Variants in GRID2 observed in about 807,000 individuals in gnomAD.
GRID2 encodes the protein glutamate receptor ionotropic, delta-2.
GRID2 carries 33 observed loss-of-function variants against 114.8 expected under a neutral mutation model. That is an observed-to-expected ratio of 0.29 (90% CI 0.22 to 0.38). The LOEUF (loss-of-function observed/expected upper bound fraction) is 0.38, where lower values mean the gene tolerates loss of function less well. GRID2 is among the 10% of genes least tolerant of loss of function. The probability of loss-of-function intolerance (pLI) is 1.00; values close to 1 mark genes in which losing one functional copy is unlikely to be tolerated. For missense variants in GRID2, 1,184 were observed against 1,257.7 expected, an observed-to-expected ratio of 0.94 and a Z score of 0.89; for synonymous variants, 505 against 449.9, an observed-to-expected ratio of 1.12 and a Z score of -1.55.
intron 8 of GRID2, among the ~76,000 whole-genome samples, chr4:93,344,902 A>C (rs1760052565): frequency 6.6e-6 from 1 of 151,288 alleles, no homozygotes. Flanking sequence ...AGCTTATTTC[A>C]CTTAGCAAAA....
At chr4:92,326,066 G>A (rs1726581412) in intron 1 of GRID2, among the ~76,000 whole-genome samples, 1 of 151,672 alleles carries the variant, frequency 6.6e-6, no homozygotes, top group African/African-American at 2.4e-5. Flanking sequence ...GAAGTTACAG[G>A]GATTTAGGTA....
intron 2 of GRID2, among the ~76,000 whole-genome samples, chr4:92,816,969 A>C (rs945536424): frequency 1.3e-5 from 2 of 152,050 alleles, no homozygotes; most frequent in Non-Finnish European, 2.9e-5. Context: ...CCTTCATGTA[A>C]CTTAGAACTT....
chr4:93,589,383 C>A (rs1737908932), intron 13 of GRID2, among the ~76,000 whole-genome samples: 1 of 151,782 alleles, frequency 6.6e-6, no homozygotes, highest in Admixed American at 6.6e-5. Context: ...GACATGAACT[C>A]ATCATTTTTT....
At chr4:92,747,790 C>T (rs1398104690) in intron 2 of GRID2, among the ~76,000 whole-genome samples, 1 of 152,132 alleles carries the variant, frequency 6.6e-6, no homozygotes, top group Non-Finnish European at 1.5e-5. Context: ...AGCCATACTT[C>T]CAGGTAAGAC....
intron 8 of GRID2, among the ~76,000 whole-genome samples, chr4:93,330,746 T>G (rs1758337969): frequency 6.6e-6 from 1 of 152,082 alleles, no homozygotes; most frequent in South Asian, 2.1e-4. Flanking sequence ...GGAAGGCCAT[T>G]TACTCCATAT....
chr4:93,539,131 G>A (rs1732401003), intron 13 of GRID2, among the ~76,000 whole-genome samples: 1 of 151,696 alleles, frequency 6.6e-6, no homozygotes, highest in South Asian at 2.1e-4. Context: ...TTCTATTTTA[G>A]GCATGAACTG....
chr4:92,759,086 C>G (rs1397222266), intron 2 of GRID2, among the ~76,000 whole-genome samples: 1 of 152,160 alleles, frequency 6.6e-6, no homozygotes. Context: ...ATTGTCTACT[C>G]TAGGGACGGG....
At chr4:93,670,404 TAA>T (rs1368341651) in intron 14 of GRID2, among the ~76,000 whole-genome samples, 1 of 152,146 alleles carries the variant, frequency 6.6e-6, no homozygotes, top group Non-Finnish European at 1.5e-5. Flanking sequence ...AATATACTGA[TAA>T]AGAGAATAGC....
intron 1 of GRID2, among the ~76,000 whole-genome samples, chr4:92,540,849 T>A (rs1349954908): frequency 6.6e-6 from 1 of 152,154 alleles, no homozygotes; most frequent in African/African-American, 2.4e-5. Flanking sequence ...CACACATATG[T>A]TTATTGCGGC....
At chr4:93,209,608 TA>T (rs1454836142) in intron 5 of GRID2, among the ~76,000 whole-genome samples, 2 of 152,170 alleles carry the variant, frequency 1.3e-5, no homozygotes, top group African/African-American at 4.8e-5. Context: ...TTTGGGTATA[TA>T]CCCAGTAATG....
At chr4:93,241,802 T>TAAAAA in intron 8 of GRID2, among the ~76,000 whole-genome samples, 1 of 130,948 alleles carries the variant, frequency 7.6e-6, no homozygotes, top group African/African-American at 2.8e-5. Context: ...AGTAGAAAAG[T>TAAAAA]AAAAAAAAAA....
intron 1 of GRID2, among the ~76,000 whole-genome samples, chr4:92,415,183 T>C (rs1731535747): frequency 6.6e-6 from 1 of 152,092 alleles, no homozygotes; most frequent in African/African-American, 2.4e-5. Flanking sequence ...TTAACAGAAA[T>C]TGTTGATAAT....
intron 2 of GRID2, among the ~76,000 whole-genome samples, chr4:92,770,793 G>A (rs1435485568): frequency 4.6e-5 from 7 of 152,116 alleles, no homozygotes; most frequent in African/African-American, 1.4e-4. Flanking sequence ...TTCCTCCCAC[G>A]ACACCTCGGA....
At chr4:93,130,430 C>T (rs1312796338) in intron 4 of GRID2, among the ~76,000 whole-genome samples, 6 of 151,934 alleles carry the variant, frequency 3.9e-5, no homozygotes, top group African/African-American at 1.5e-4. Flanking sequence ...GAGTACAGAG[C>T]AAAACCCTGT....
chr4:92,333,688 C>G (rs574928078), intron 1 of GRID2, among the ~76,000 whole-genome samples: 1 of 152,042 alleles, frequency 6.6e-6, no homozygotes, highest in Non-Finnish European at 1.5e-5. Context: ...CAACTTCTTC[C>G]GTATTTTGTT....
chr4:93,117,374 T>A (rs1010316325), intron 4 of GRID2, among the ~76,000 whole-genome samples: 1 of 152,134 alleles, frequency 6.6e-6, no homozygotes, highest in African/African-American at 2.4e-5. Flanking sequence ...TTCAGGAACA[T>A]TTTGCATGTG....
chr4:93,463,727 C>T (rs1436070038), intron 11 of GRID2, among the ~76,000 whole-genome samples: 13 of 151,740 alleles, frequency 8.6e-5, no homozygotes, highest in Admixed American at 2.0e-4. Context: ...CGGTGGCTCA[C>T]GCCTGTAATC....
At chr4:92,832,917 G>A (rs893177845) in intron 2 of GRID2, among the ~76,000 whole-genome samples, 1 of 152,142 alleles carries the variant, frequency 6.6e-6, no homozygotes, top group African/African-American at 2.4e-5. Flanking sequence ...GTGTTCATAA[G>A]AAATAAGACG....
intron 11 of GRID2, among the ~76,000 whole-genome samples, chr4:93,462,526 A>C (rs571160562): frequency 6.6e-6 from 1 of 152,312 alleles, no homozygotes; most frequent in East Asian, 1.9e-4. Context: ...AAATCCCAAG[A>C]CAATTTTTGG....
Sources: allele counts gnomAD v4.1 joint callset (sites outside exome capture counted in the v4.1 genomes callset), GRCh38; gene constraint gnomAD v4.1.1; transcripts MANE v1.5; gene names NCBI Gene and HGNC (gene_info 2026-07-23, HGNC 2026-07-21).